SHROOM3: variants seen among roughly 807,000 people sequenced by gnomAD.
The protein encoded by SHROOM3 is shroom family member 3, also known as protein Shroom3.
In SHROOM3, 47 loss-of-function variants were observed where a neutral mutation model predicts 138.6. The observed-to-expected ratio is 0.34, with a 90% CI of 0.27 to 0.43. SHROOM3 has a LOEUF of 0.43. Ranked by LOEUF, SHROOM3 falls within the 20% of genes least tolerant of loss-of-function variation. SHROOM3 has a pLI of 1.00. For missense variants in SHROOM3, 2,491 were observed against 2,596.5 expected (o/e 0.96, Z 0.88); for synonymous variants, 1,062 against 1,063.3 (o/e 1.00, Z 0.02).
chr4:76,450,089 T>C (rs1730895922), intron 1 of SHROOM3, among the ~76,000 whole-genome samples: 1 of 152,218 alleles, frequency 6.6e-6, no homozygotes, highest in Non-Finnish European at 1.5e-5. Context: ...AACACATTCA[T>C]GCCTGCTCTA....
chr4:76,695,197 T>A (rs370244698), intron 2 of SHROOM3, among the ~76,000 whole-genome samples: 30 of 152,308 alleles, frequency 2.0e-4, no homozygotes, highest in African/African-American at 7.0e-4. Flanking sequence ...AATGAACATG[T>A]CTTTTCTTTT....
chr4:76,663,889 C>G (rs4859706), intron 2 of SHROOM3, among the ~76,000 whole-genome samples: 19,763 of 152,190 alleles, frequency 0.13, 1,595 homozygotes, highest in East Asian at 0.28. Flanking sequence ...CCAACTGGTT[C>G]ACTTTCCCCA....
intron 2 of SHROOM3, among the ~76,000 whole-genome samples, chr4:76,577,518 T>C (rs984051640): frequency 2.0e-4 from 31 of 152,216 alleles, no homozygotes; most frequent in African/African-American, 7.0e-4. Flanking sequence ...TGTAGACCAA[T>C]ACCTCTGCCT....
chr4:76,743,950 G>A (rs1473254289), intron 5 of SHROOM3, among the ~76,000 whole-genome samples: 2 of 152,136 alleles, frequency 1.3e-5, no homozygotes, highest in African/African-American at 4.8e-5. Flanking sequence ...TTCTCTCCCC[G>A]TGTTTCAAAG....
intron 1 of SHROOM3, among the ~76,000 whole-genome samples, chr4:76,469,626 T>G (rs1731325521): frequency 6.6e-6 from 1 of 152,118 alleles, no homozygotes; most frequent in Non-Finnish European, 1.5e-5. Context: ...CCAGCTAATT[T>G]TTTGTATTTT....
chr4:76,758,691 T>A (rs538238175), intron 8 of SHROOM3: 1 of 152,208 alleles, frequency 6.6e-6, no homozygotes, highest in African/African-American at 2.4e-5. Flanking sequence ...GGGACAGTTA[T>A]CAAGCAGGAA....
rs924802761 is a variant in SHROOM3, at chr4:76,583,042, C to T, written c.323+27279C>T. ...GAGCATTCCACATGAGGAACAGATG[C>T]GTTTGTTTTTGATCACAGCTGAGTC... On this transcript the variant is annotated intron_variant, in intron 2 of 10. Coordinates refer to ENST00000296043, the MANE Select transcript of SHROOM3 (RefSeq NM_020859.4). Among the ~76,000 whole-genome samples the T allele has an allele frequency of 6.6e-5, 10 of 152,256 alleles. No individual in the cohort carries two copies. In the East Asian group the frequency reaches 1.5e-3, roughly 24 times the overall value.
At chr4:76,588,563 A>G (rs1734197028) in intron 2 of SHROOM3, among the ~76,000 whole-genome samples, 1 of 152,134 alleles carries the variant, frequency 6.6e-6, no homozygotes, top group Non-Finnish European at 1.5e-5. Context: ...GGTTGCAAAC[A>G]TCAGACACCT....
chr4:76,578,285 G>T (rs545190835), intron 2 of SHROOM3, among the ~76,000 whole-genome samples: 5 of 152,112 alleles, frequency 3.3e-5, no homozygotes, highest in Admixed American at 6.5e-5. Flanking sequence ...TTAGCTATAC[G>T]GTTGGAGGAA....
At position 76,730,803 on chromosome 4, in the gene SHROOM3, G is replaced by A; in HGVS notation, c.456-1G>A. The stretch of plus-strand genomic sequence containing the variant: ...GGGGGGTCCCTCCTGTGTCTCCCCA[G>A]GCGCAGTGAGCCTGCAGGCCGACCT... On this transcript the variant is annotated splice_acceptor_variant, in intron 3 of 10. Coordinates refer to ENST00000296043, the MANE Select transcript of SHROOM3 (RefSeq NM_020859.4). LOFTEE classifies it high-confidence loss of function. 1 of 1,613,974 alleles carries A rather than the reference G, an allele frequency of 6.2e-7. No individual in the cohort carries two copies. The highest frequency in any genetic ancestry group is 8.5e-7 in the Non-Finnish European group (1 of 1,179,964).
At chr4:76,757,527 T>C (rs917974344) in intron 8 of SHROOM3, among the ~76,000 whole-genome samples, 2 of 152,210 alleles carry the variant, frequency 1.3e-5, no homozygotes, top group African/African-American at 4.8e-5. Context: ...TTGCCAAGAC[T>C]GAGAGGGGAA....
At chr4:76,558,090 ATG>A (rs919116095) in intron 2 of SHROOM3, among the ~76,000 whole-genome samples, 15 of 152,186 alleles carry the variant, frequency 9.9e-5, no homozygotes, top group Non-Finnish European at 1.9e-4. Context: ...CACACTCCTG[ATG>A]TGTTTCAACA....
At chr4:76,691,406 C>A (rs1017999618) in intron 2 of SHROOM3, among the ~76,000 whole-genome samples, 4 of 152,184 alleles carry the variant, frequency 2.6e-5, no homozygotes, top group African/African-American at 9.6e-5. Flanking sequence ...CCTCTGTGAC[C>A]TGGGACCAAA....
intron 3 of SHROOM3, among the ~76,000 whole-genome samples, chr4:76,729,431 AT>A (rs1355308591): frequency 1.3e-5 from 2 of 152,116 alleles, no homozygotes; most frequent in African/African-American, 4.8e-5. Flanking sequence ...AAAAAAAAAA[AT>A]TTGTGTATTT....
intron 2 of SHROOM3, among the ~76,000 whole-genome samples, chr4:76,582,912 A>G (rs964110308): frequency 6.6e-6 from 1 of 152,152 alleles, no homozygotes; most frequent in Non-Finnish European, 1.5e-5. Flanking sequence ...CACTGCTTCC[A>G]GATTAGATCA....
intron 1 of SHROOM3, among the ~76,000 whole-genome samples, chr4:76,482,892 A>T (rs556966439): frequency 6.6e-6 from 1 of 152,338 alleles, no homozygotes; most frequent in East Asian, 1.9e-4. Flanking sequence ...AAAAACAAGA[A>T]ATGGGGAAAG....
At chr4:76,527,684 A>T (rs1344439548) in intron 1 of SHROOM3, among the ~76,000 whole-genome samples, 1 of 152,222 alleles carries the variant, frequency 6.6e-6, no homozygotes, top group Non-Finnish European at 1.5e-5. Flanking sequence ...TGTTGGTTTG[A>T]TTTAGTAACT....
rs1553913326 is a variant in SHROOM3 at position 76,441,082 on chromosome 4, A to ATTTGTTT, written c.168+4866_168+4872dup. ...TTCTTCAGCCACAGTCCTGAGTTCA[A>ATTTGTTT]TTTGTTTTTTTTTTTTTTTTTTTTT... On this transcript the variant is annotated intron_variant, in intron 1 of 10. Transcript: ENST00000296043. Among the ~76,000 whole-genome samples the ATTTGTTT allele has an allele frequency of 7.2e-3, 402 of 55,914 alleles. 20 individuals carry two copies. In the East Asian group the frequency reaches 0.078, roughly 11 times the overall value. The allele number at this position is 55,914 out of a possible 152,430, so 36.7% of individuals were successfully genotyped here. A position where few individuals can be genotyped will look rare whatever the true frequency, so the allele number is the denominator to read the frequency against.
intron 1 of SHROOM3, 130 bp from the exon 2 acceptor site, chr4:76,555,479 A>G (rs1391411252): frequency 2.1e-5 from 28 of 1,347,018 alleles, no homozygotes; most frequent in Non-Finnish European, 2.4e-5. Flanking sequence ...CTCTGGCTGC[A>G]AGCGCTGGGG....
Sources: allele counts gnomAD v4.1 joint callset (sites outside exome capture counted in the v4.1 genomes callset), GRCh38; gene constraint gnomAD v4.1.1; transcripts MANE v1.5; gene names NCBI Gene and HGNC (gene_info 2026-07-23, HGNC 2026-07-21).